P2RY8: variants seen among roughly 807,000 people sequenced by gnomAD.
P2RY8 encodes S-geranylgeranyl-glutathione receptor P2RY8.
Under a neutral mutation model 10.0 loss-of-function variants are expected in P2RY8, and 6 were observed. The observed-to-expected ratio is 0.60, with a 90% CI of 0.33 to 1.19. The LOEUF (loss-of-function observed/expected upper bound fraction) is 1.19, where lower values mean the gene tolerates loss of function less well. P2RY8 is among the 50% of genes most tolerant of loss of function. The pLI, the probability that P2RY8 is intolerant of heterozygous loss-of-function variation, is 0.04. For synonymous variants in P2RY8, 276 were observed against 252.5 expected (o/e 1.09, Z -0.88); for missense variants, 456 against 542.0 (o/e 0.84, Z 1.58).
intron 1 of P2RY8, among the ~76,000 whole-genome samples, chrX:1,497,602 G>A (rs191940502): frequency 0.018 from 2,715 of 152,048 alleles, 34 homozygotes; most frequent in Middle Eastern, 0.034. Context: ...AGGTTGCGGT[G>A]AGCCGAGACC....
chrX:1,533,927 ATATAT>A (rs1161972422), intron 1 of P2RY8, among the ~76,000 whole-genome samples: 2 of 122,370 alleles, frequency 1.6e-5, no homozygotes, highest in African/African-American at 3.3e-5. Context: ...TTATATATTC[ATATAT>A]TATTTATTAT....
chrX:1,523,032 G>A (rs2092403909), intron 1 of P2RY8, among the ~76,000 whole-genome samples: 2 of 150,066 alleles, frequency 1.3e-5, no homozygotes, highest in Non-Finnish European at 2.9e-5. Flanking sequence ...TTGCACTACT[G>A]CACTCCAGCC....
At chrX:1,508,252 C>T (rs1312453133) in intron 1 of P2RY8, among the ~76,000 whole-genome samples, 1 of 152,164 alleles carries the variant, frequency 6.6e-6, no homozygotes, top group Admixed American at 6.5e-5. Context: ...ATTAACCAGG[C>T]TGAGTGTTGA....
chrX:1,496,166 C>G (rs1214408426), intron 1 of P2RY8, among the ~76,000 whole-genome samples: 1 of 152,196 alleles, frequency 6.6e-6, no homozygotes, highest in Admixed American at 6.5e-5. Flanking sequence ...CTGCCGAAAC[C>G]TAGGCTGAAT....
intron 1 of P2RY8, among the ~76,000 whole-genome samples, chrX:1,467,708 G>C (rs1223773233): frequency 2.6e-5 from 4 of 152,204 alleles, no homozygotes; most frequent in Admixed American, 2.6e-4. Flanking sequence ...ATGGGGTCTT[G>C]CCTTGTTGCC....
chrX:1,484,376 G>A (rs1193508859), intron 1 of P2RY8, among the ~76,000 whole-genome samples: 3 of 152,020 alleles, frequency 2.0e-5, no homozygotes, highest in African/African-American at 7.2e-5. Flanking sequence ...CACAGAAAAG[G>A]ATATTTTAAA....
chrX:1,535,906 C>G (rs1290912053), intron 1 of P2RY8, among the ~76,000 whole-genome samples: 1 of 152,054 alleles, frequency 6.6e-6, no homozygotes, highest in Non-Finnish European at 1.5e-5. Context: ...ACAGATCTGA[C>G]AAGACCCAAG....
intron 1 of P2RY8, among the ~76,000 whole-genome samples, chrX:1,493,849 C>G (rs1238941851): frequency 2.6e-5 from 4 of 152,160 alleles, no homozygotes; most frequent in Non-Finnish European, 5.9e-5. Context: ...TTTAGGCCAA[C>G]CTCAGCCCTC....
chrX:1,484,737 AAAAAAAAAAAAG>A (rs1220487308), intron 1 of P2RY8, among the ~76,000 whole-genome samples: 1 of 139,082 alleles, frequency 7.2e-6, no homozygotes, highest in Admixed American at 7.2e-5. Flanking sequence ...AAAAAAAAAA[AAAAAAAAAAAAG>A]AAGAAGAAGA....
chrX:1,520,735 C>G (rs1230214589), intron 1 of P2RY8, among the ~76,000 whole-genome samples: 2 of 152,012 alleles, frequency 1.3e-5, no homozygotes, highest in African/African-American at 2.4e-5. Context: ...AATATTATCT[C>G]TGGTCCTCAA....
In P2RY8 at chrX:1,531,052, ATCTG is replaced by A. The variant is rs1171703505; in HGVS notation, c.-25+5865_-25+5868del. 2.4e-3 allele frequency among the ~76,000 whole-genome samples: 285 copies of A among 118,134 alleles called. 2 individuals are homozygous for A. The highest frequency in any genetic ancestry group is 6.9e-3 in the African/African-American group (215 of 31,028). 77.5% of individuals were successfully genotyped at this position (118,134 alleles called of 152,430 possible). On this transcript the variant is annotated intron_variant, in intron 1 of 1. Transcript: ENST00000381297. ...ATGTATCTATTTATCGATTCTATCT[ATCTG>A]TCTGTCTGTCTGTCTATCTATCTAT... is the stretch of plus-strand genomic sequence containing the variant.
chrX:1,499,911 T>C (rs2092157884), intron 1 of P2RY8, among the ~76,000 whole-genome samples: 1 of 151,754 alleles, frequency 6.6e-6, no homozygotes, highest in African/African-American at 2.4e-5. Flanking sequence ...CAGGCTGGAG[T>C]GCAGTGGTGT....
intron 1 of P2RY8, among the ~76,000 whole-genome samples, chrX:1,505,720 G>C (rs151020403): frequency 0.011 from 1,640 of 152,132 alleles, 21 homozygotes; most frequent in African/African-American, 0.038. Context: ...AACCAGGGAG[G>C]CGGAGGTTGC....
At chrX:1,487,848 C>A (rs1360138940) in intron 1 of P2RY8, among the ~76,000 whole-genome samples, 1 of 152,192 alleles carries the variant, frequency 6.6e-6, no homozygotes, top group Non-Finnish European at 1.5e-5. Context: ...CGGTGGCTCA[C>A]GCCTGTCATC....
chrX:1,500,934 A>T (rs1282941699), intron 1 of P2RY8, among the ~76,000 whole-genome samples: 2 of 152,020 alleles, frequency 1.3e-5, no homozygotes, highest in Non-Finnish European at 2.9e-5. Flanking sequence ...GAGGGAAATG[A>T]CCCATTACAA....
At chrX:1,507,384 A>G (rs1238037086) in intron 1 of P2RY8, among the ~76,000 whole-genome samples, 3 of 152,092 alleles carry the variant, frequency 2.0e-5, no homozygotes, top group African/African-American at 7.2e-5. Flanking sequence ...GAGTCCTGGA[A>G]ATAGTCAACC....
At chrX:1,507,368 C>T (rs2149400994) in intron 1 of P2RY8, among the ~76,000 whole-genome samples, 1 of 152,238 alleles carries the variant, frequency 6.6e-6, no homozygotes, top group Non-Finnish European at 1.5e-5. Context: ...GCACCCACTA[C>T]TTCCTGAGTC....
At chrX:1,492,894 G>A (rs1207795745) in intron 1 of P2RY8, among the ~76,000 whole-genome samples, 1 of 151,910 alleles carries the variant, frequency 6.6e-6, no homozygotes, top group Non-Finnish European at 1.5e-5. Context: ...AGCACTCAGC[G>A]CCCACCTCTG....
intron 1 of P2RY8, among the ~76,000 whole-genome samples, chrX:1,527,932 T>A (rs1273626131): frequency 2.6e-5 from 4 of 152,206 alleles, no homozygotes; most frequent in East Asian, 1.9e-4. Flanking sequence ...TCACAGCCCC[T>A]ACAGGGACCC....
Sources: gnomAD v4.1 joint callset for allele counts (sites outside exome capture counted in the v4.1 genomes callset) on GRCh38, gnomAD v4.1.1 for gene constraint, MANE v1.5 for transcripts, NCBI Gene and HGNC (gene_info 2026-07-23, HGNC 2026-07-21) for gene names.